CDKL3: variants seen among roughly 807,000 people sequenced by gnomAD.
The protein encoded by CDKL3 is cyclin-dependent kinase-like 3.
CDKL3 carries 65 observed loss-of-function variants against 69.3 expected under a neutral mutation model. The observed-to-expected ratio is 0.94, with a 90% confidence interval of 0.77 to 1.15. The LOEUF (loss-of-function observed/expected upper bound fraction) is 1.15. Ranked by LOEUF, CDKL3 falls within the 50% of genes most tolerant of loss-of-function variation. The pLI is 0.00. For synonymous variants in CDKL3, 202 were observed against 221.6 expected (o/e 0.91, Z 0.79); for missense variants, 652 against 689.2 (o/e 0.95, Z 0.61).
At chr5:134,284,762 C>T (rs1427516901), downstream of CDKL3, among the ~76,000 whole-genome samples, 3 of 152,188 alleles carry the variant, frequency 2.0e-5, no homozygotes, top group Non-Finnish European at 4.4e-5. Flanking sequence ...CAATATTTCT[C>T]CTATTCGCTT....
At chr5:134,318,662 T>C (rs1771860903) in intron 6 of CDKL3, among the ~76,000 whole-genome samples, 4 of 151,974 alleles carry the variant, frequency 2.6e-5, no homozygotes, top group Non-Finnish European at 1.5e-5. Context: ...ACTTTTTGTA[T>C]TTTTAGTAGA....
chr5:134,364,414 CTCTTT>C (rs1433352840), intron 2 of CDKL3, among the ~76,000 whole-genome samples: 1 of 152,322 alleles, frequency 6.6e-6, no homozygotes, highest in African/African-American at 2.4e-5. Context: ...CAAACCATGT[CTCTTT>C]TGAGTCTTTC....
intron 4 of CDKL3, among the ~76,000 whole-genome samples, chr5:134,342,906 C>T (rs529750868): frequency 6.6e-6 from 1 of 152,210 alleles, no homozygotes; most frequent in East Asian, 1.9e-4. Flanking sequence ...AAGCAATAGT[C>T]ATTAAGACAG....
intron 2 of CDKL3, among the ~76,000 whole-genome samples, chr5:134,364,069 C>T (rs1366931347): frequency 6.7e-6 from 1 of 149,974 alleles, no homozygotes; most frequent in Non-Finnish European, 1.5e-5. Context: ...ATAAAGCAAA[C>T]AAGAACATCT....
chr5:134,303,581 C>T (rs1047064150), intron 11 of CDKL3, among the ~76,000 whole-genome samples: 18 of 152,066 alleles, frequency 1.2e-4, no homozygotes, highest in Non-Finnish European at 1.8e-4. Flanking sequence ...CAATGGCTCA[C>T]GCCTGTAATC....
At chr5:134,351,760 T>G (rs992468185) in intron 3 of CDKL3, among the ~76,000 whole-genome samples, 1 of 152,136 alleles carries the variant, frequency 6.6e-6, no homozygotes, top group Non-Finnish European at 1.5e-5. Context: ...ACACCCGGCC[T>G]GAATTATTTT....
chr5:134,322,481 T>C (rs1315040465), intron 4 of CDKL3, among the ~76,000 whole-genome samples: 6 of 152,240 alleles, frequency 3.9e-5, no homozygotes, highest in Admixed American at 2.0e-4. Flanking sequence ...TTAAATTGTA[T>C]ATATTTTTTA....
downstream of CDKL3, among the ~76,000 whole-genome samples, chr5:134,286,125 G>GA (rs1452710432): frequency 6.6e-6 from 1 of 151,368 alleles, no homozygotes; most frequent in African/African-American, 2.4e-5. Flanking sequence ...TCTCAAAAAA[G>GA]AAAAAAAACA....
chr5:134,285,737 A>G (rs1764833525), downstream of CDKL3, among the ~76,000 whole-genome samples: 1 of 152,248 alleles, frequency 6.6e-6, no homozygotes, highest in Non-Finnish European at 1.5e-5. Flanking sequence ...GTCAGGCTGC[A>G]AATTTTCTGA....
chr5:134,350,831 GAAAAAAAAA>G (rs112330114), intron 3 of CDKL3, among the ~76,000 whole-genome samples: 100 of 82,432 alleles, frequency 1.2e-3, no homozygotes, highest in African/African-American at 3.6e-3. Context: ...AGAAAAAAAA[GAAAAAAAAA>G]AAAAGAAAAA....
intron 12 of CDKL3, chr5:134,299,390 C>T: frequency 1.1e-5 from 7 of 636,290 alleles, no homozygotes; most frequent in Non-Finnish European, 1.5e-5. Flanking sequence ...GACCACTCAT[C>T]AAGTATGATT....
intron 12 of CDKL3, 109 bp from the exon 13 acceptor site, chr5:134,298,819 A>C (rs1043622686): frequency 2.8e-6 from 4 of 1,429,544 alleles, no homozygotes; most frequent in Non-Finnish European, 3.8e-6. Context: ...CTAAATTATA[A>C]ACATGCTAGT....
downstream of CDKL3, among the ~76,000 whole-genome samples, chr5:134,285,123 C>T (rs1457063776): frequency 6.6e-6 from 1 of 152,158 alleles, no homozygotes; most frequent in African/African-American, 2.4e-5. Context: ...GTTCGGGGCC[C>T]CTGACTTCCC....
intron 9 of CDKL3, among the ~76,000 whole-genome samples, 196 bp from the exon 10 acceptor site, chr5:134,306,898 G>A (rs1768032177): frequency 6.6e-6 from 1 of 151,818 alleles, no homozygotes; most frequent in South Asian, 2.1e-4. Flanking sequence ...GGGATTACTG[G>A]TGTGCTCCAA....
At chr5:134,283,745 C>G (rs1232637899), downstream of CDKL3, among the ~76,000 whole-genome samples, 1 of 152,004 alleles carries the variant, frequency 6.6e-6, no homozygotes, top group African/African-American at 2.4e-5. Flanking sequence ...AGCATTAACT[C>G]AAAAGTCTAC....
At chr5:134,360,176 C>T (rs1197094613) in intron 2 of CDKL3, 85 bp from the exon 3 acceptor site, 4 of 901,312 alleles carry the variant, frequency 4.4e-6, no homozygotes, top group East Asian at 5.3e-5. Flanking sequence ...TGTAAAGAAA[C>T]AGTCATATTC....
chr5:134,303,168 T>A (rs187148065), intron 11 of CDKL3, among the ~76,000 whole-genome samples: 72 of 152,154 alleles, frequency 4.7e-4, no homozygotes, highest in Non-Finnish European at 1.0e-3. Context: ...CTCGGCTCAC[T>A]GCAACCTCCG....
chr5:134,369,244 A>T (rs1758074528), upstream of CDKL3, among the ~76,000 whole-genome samples: 1 of 152,238 alleles, frequency 6.6e-6, no homozygotes, highest in South Asian at 2.1e-4. Context: ...ACATTCACTG[A>T]ATCAGTTAAA....
chr5:134,323,859 T>C (rs1773433274), intron 4 of CDKL3, among the ~76,000 whole-genome samples: 1 of 152,002 alleles, frequency 6.6e-6, no homozygotes, highest in Admixed American at 6.6e-5. Context: ...AAATTGATAG[T>C]TAGAACTTCA....
Sources: gnomAD v4.1 joint callset for allele counts (sites outside exome capture counted in the v4.1 genomes callset) on GRCh38, gnomAD v4.1.1 for gene constraint, MANE v1.5 for transcripts, NCBI Gene and HGNC (gene_info 2026-07-23, HGNC 2026-07-21) for gene names.